Variants in ABCA1 observed in about 807,000 individuals in gnomAD.
ABCA1 encodes the protein phospholipid-transporting ATPase ABCA1.
ABCA1 carries 133 observed loss-of-function variants against 262.5 expected under a neutral mutation model. That is an observed-to-expected ratio of 0.51 (90% confidence interval 0.44 to 0.59). ABCA1 has a LOEUF of 0.59. ABCA1 is among the 20% of genes least tolerant of loss of function. The pLI is 0.00. For synonymous variants in ABCA1, 1,022 were observed against 1,043.5 expected, an observed-to-expected ratio of 0.98 and a Z score of 0.40; for missense variants, 2,452 against 2,777.5, an observed-to-expected ratio of 0.88 and a Z score of 2.63.
chr9:104,855,440 A>T (rs1835756545), intron 7 of ABCA1: 1 of 308,586 alleles, frequency 3.2e-6, no homozygotes, highest in Non-Finnish European at 5.6e-6. Context: ...GCCTCAAGTG[A>T]TTCATCCGCC....
chr9:104,879,080 AAAAAAG>A (rs1160699172), intron 5 of ABCA1, among the ~76,000 whole-genome samples: 2 of 152,020 alleles, frequency 1.3e-5, no homozygotes, highest in African/African-American at 4.8e-5. Flanking sequence ...TCTTAAAAAA[AAAAAAG>A]AAAGAAAAGA....
chr9:104,831,991 T>C (rs1833379230), intron 12 of ABCA1, among the ~76,000 whole-genome samples, 164 bp from the exon 13 acceptor site: 2 of 152,224 alleles, frequency 1.3e-5, no homozygotes. Context: ...GAATGAAGGA[T>C]TTTGGTTTTT....
chr9:104,878,818 A>G (rs970440468), intron 5 of ABCA1, among the ~76,000 whole-genome samples: 4 of 152,234 alleles, frequency 2.6e-5, no homozygotes, highest in Non-Finnish European at 4.4e-5. Context: ...GTATTTGAGT[A>G]GAGATCCCCA....
chr9:104,801,599 C>T (rs60065600), intron 34 of ABCA1, among the ~76,000 whole-genome samples: 10,003 of 151,320 alleles, frequency 0.066, 417 homozygotes, highest in East Asian at 0.23. Flanking sequence ...TGGAGTGCAA[C>T]GGTGCGATCT....
At chr9:104,805,327 G>A (rs1215472370) in intron 31 of ABCA1, among the ~76,000 whole-genome samples, 2 of 152,046 alleles carry the variant, frequency 1.3e-5, no homozygotes, top group Admixed American at 6.6e-5. Flanking sequence ...AGTCCACCTC[G>A]GCATCCCAAA....
At position 104,837,015 on chromosome 9, in the gene ABCA1, A is replaced by G. The variant is rs201586430; in HGVS notation, c.1276T>C (p.Phe426Leu). 4.8e-5 allele frequency: 77 copies of G among 1,614,188 alleles called. No homozygotes were observed. The highest frequency in any genetic ancestry group is 4.0e-4 in the Admixed American group (24 of 60,028). ...TCCATTTCTTGGCTGTTCTCCATGAAGGTCCAGATCTTGGGGCTGAGTTCC... is the reference window on the plus strand; with the variant it reads ...TCCATTTCTTGGCTGTTCTCCATGAGGGTCCAGATCTTGGGGCTGAGTTCC... ...WEELSPKIWTFMENSQEMDLV... is the reference protein window; with the variant it reads ...WEELSPKIWTLMENSQEMDLV... Residue 426 changes from phenylalanine to leucine, a missense_variant, in exon 11 of 50, where the codon TTC (phenylalanine) becomes CTC (leucine). Physicochemically the swap from Phe to Leu is conservative, Grantham distance 22. Coordinates refer to ENST00000374736, the MANE Select transcript of ABCA1 (RefSeq NM_005502.4).
At chr9:104,799,368 A>C in intron 36 of ABCA1, 1 of 846,172 alleles carries the variant, frequency 1.2e-6, no homozygotes. Flanking sequence ...TGCATACTTT[A>C]AACTAGCTCA....
At chr9:104,823,789 G>T (rs1440038423) in intron 18 of ABCA1, among the ~76,000 whole-genome samples, 1 of 152,172 alleles carries the variant, frequency 6.6e-6, no homozygotes, top group Non-Finnish European at 1.5e-5. Context: ...GGTGTAAAGA[G>T]GAGGTAGGAG....
intron 2 of ABCA1, among the ~76,000 whole-genome samples, chr9:104,894,741 T>C (rs1840055193): frequency 1.3e-5 from 2 of 152,220 alleles, no homozygotes; most frequent in African/African-American, 4.8e-5. Context: ...ACCTGCTCTC[T>C]CAAAGCCCTT....
intron 3 of ABCA1, among the ~76,000 whole-genome samples, chr9:104,887,823 T>A (rs1352616430): frequency 6.8e-6 from 1 of 147,364 alleles, no homozygotes; most frequent in East Asian, 2.0e-4. Flanking sequence ...GCCTCGCAGG[T>A]TGAAGCAATT....
At chr9:104,795,054 C>G (rs925091346) in intron 39 of ABCA1, among the ~76,000 whole-genome samples, 2 of 152,140 alleles carry the variant, frequency 1.3e-5, no homozygotes, top group African/African-American at 4.8e-5. Flanking sequence ...AGTATGTAAA[C>G]AGGAAATTAC....
chr9:104,850,846 T>C (rs547595050), intron 7 of ABCA1, among the ~76,000 whole-genome samples: 32 of 152,216 alleles, frequency 2.1e-4, no homozygotes, highest in East Asian at 1.5e-3. Context: ...TAGGTCTCCA[T>C]TGCACCCAGG....
intron 5 of ABCA1, among the ~76,000 whole-genome samples, chr9:104,869,077 A>AG (rs1837351814): frequency 6.6e-6 from 1 of 152,030 alleles, no homozygotes; most frequent in South Asian, 2.1e-4. Context: ...AGGAAGGCGG[A>AG]GGAGGAAAGC....
At chr9:104,861,547 T>G in intron 6 of ABCA1, 132 bp downstream of exon 6, 2 of 1,311,938 alleles carry the variant, frequency 1.5e-6, no homozygotes, top group African/African-American at 2.9e-5. Flanking sequence ...TAAAATTAAG[T>G]GAAGTTGTAT....
intron 3 of ABCA1, among the ~76,000 whole-genome samples, chr9:104,888,055 A>AGG (rs1315079303): frequency 1.6e-5 from 2 of 123,188 alleles, no homozygotes; most frequent in Admixed American, 7.7e-5. Context: ...ATGTTTCTTG[A>AGG]GGGGTGTGTG....
intron 5 of ABCA1, among the ~76,000 whole-genome samples, chr9:104,862,320 G>A (rs1836493315): frequency 6.6e-6 from 1 of 150,482 alleles, no homozygotes. Context: ...ATGATAGGCA[G>A]GCTGGTCTCA....
At chr9:104,889,714 T>C (rs1438377070) in intron 2 of ABCA1, among the ~76,000 whole-genome samples, 1 of 152,180 alleles carries the variant, frequency 6.6e-6, no homozygotes, top group Non-Finnish European at 1.5e-5. Context: ...CAGGCCAACC[T>C]GCTGTGCTAA....
At chr9:104,917,795 C>T (rs1177055961) in intron 1 of ABCA1, among the ~76,000 whole-genome samples, 5 of 151,886 alleles carry the variant, frequency 3.3e-5, no homozygotes, top group African/African-American at 1.2e-4. Context: ...TTCTTTTTGA[C>T]ACCTCTTTAA....
intron 8 of ABCA1, among the ~76,000 whole-genome samples, chr9:104,844,763 G>A (rs1588385121): frequency 6.6e-6 from 1 of 152,284 alleles, no homozygotes; most frequent in African/African-American, 2.4e-5. Context: ...ACTGCCCCCT[G>A]GCTCAGCTTC....
Sources: gnomAD v4.1 joint callset for allele counts (sites outside exome capture counted in the v4.1 genomes callset) on GRCh38, gnomAD v4.1.1 for gene constraint, MANE v1.5 for transcripts, NCBI Gene and HGNC (gene_info 2026-07-23, HGNC 2026-07-21) for gene names.